Variants in NRXN3 observed in about 807,000 individuals in gnomAD.
NRXN3 encodes neurexin 3.
Under a neutral mutation model 137.6 loss-of-function variants are expected in NRXN3, and 32 were observed. The observed-to-expected ratio is 0.23, with a 90% CI of 0.18 to 0.31. The LOEUF is 0.31. Ranked by LOEUF, NRXN3 falls within the 10% of genes least tolerant of loss-of-function variation. NRXN3 has a pLI of 1.00. For synonymous variants in NRXN3, 798 were observed against 784.5 expected, an observed-to-expected ratio of 1.02 and a Z score of -0.29; for missense variants, 1,574 against 2,062.5, an observed-to-expected ratio of 0.76 and a Z score of 4.59.
At chr14:78,819,858 A>G (rs556531036) in intron 10 of NRXN3, among the ~76,000 whole-genome samples, 2 of 152,174 alleles carry the variant, frequency 1.3e-5, no homozygotes, top group East Asian at 1.9e-4. Context: ...GGACTTTCCA[A>G]TAGGATAGGC....
chr14:78,429,501 G>A (rs973464611), intron 4 of NRXN3, among the ~76,000 whole-genome samples: 6 of 152,236 alleles, frequency 3.9e-5, no homozygotes, highest in East Asian at 1.9e-4. Flanking sequence ...TGATGAATCC[G>A]CATCATAAAG....
chr14:78,764,605 T>A (rs542661659), intron 8 of NRXN3, among the ~76,000 whole-genome samples: 1 of 152,178 alleles, frequency 6.6e-6, no homozygotes, highest in Non-Finnish European at 1.5e-5. Context: ...GCTTAAAACA[T>A]GTTACAAAAA....
chr14:78,499,300 T>G (rs371826266), intron 4 of NRXN3, among the ~76,000 whole-genome samples: 3 of 152,126 alleles, frequency 2.0e-5, no homozygotes, highest in African/African-American at 7.2e-5. Context: ...CATGGGTCAT[T>G]AAAGTCCGTC....
intron 15 of NRXN3, among the ~76,000 whole-genome samples, chr14:79,228,567 G>A (rs1416774863): frequency 6.6e-6 from 1 of 152,110 alleles, no homozygotes; most frequent in East Asian, 1.9e-4. Context: ...ATTAGAGGAG[G>A]CAATTGGTAG....
intron 8 of NRXN3, among the ~76,000 whole-genome samples, chr14:78,757,010 A>G (rs11848012): frequency 0.051 from 7,706 of 152,238 alleles, 629 homozygotes; most frequent in African/African-American, 0.17. Context: ...TAGCTTTGCA[A>G]TCTCAGCAGA....
intron 15 of NRXN3, among the ~76,000 whole-genome samples, chr14:79,387,653 T>C (rs1200677481): frequency 2.5e-5 from 2 of 81,282 alleles, no homozygotes; most frequent in Non-Finnish European, 3.1e-5. Context: ...CACATGCACA[T>C]GTATATTTTA....
rs561991104 is a variant in NRXN3, at chr14:78,291,887, CT to C, written c.728-5936del. The stretch of plus-strand genomic sequence containing the variant: ...GAAATAAAAGTCTTGGCAGAGATAA[CT>C]TTTTTTTCGTCTTTTCTGAATCTTT... On this transcript the variant is annotated intron_variant, in intron 3 of 20. Transcript: ENST00000335750. Among the ~76,000 whole-genome samples, 796 of 152,140 alleles carry C rather than the reference CT, an allele frequency of 5.2e-3. 7 individuals are homozygous for C. The highest frequency in any genetic ancestry group is 0.017 in the African/African-American group (698 of 41,518).
intron 19 of NRXN3, among the ~76,000 whole-genome samples, chr14:79,752,446 T>G (rs1460545892): frequency 6.6e-6 from 1 of 152,124 alleles, no homozygotes; most frequent in Admixed American, 6.6e-5. Flanking sequence ...TTGACAAACC[T>G]GAGAAAGACA....
intron 16 of NRXN3, among the ~76,000 whole-genome samples, chr14:79,550,853 C>G (rs879609637): frequency 2.0e-5 from 3 of 152,104 alleles, no homozygotes; most frequent in Non-Finnish European, 2.9e-5. Flanking sequence ...TAGGGCTGTT[C>G]TGGGGATTAA....
chr14:79,471,852 G>A (rs1337929361), intron 16 of NRXN3, among the ~76,000 whole-genome samples: 2 of 152,158 alleles, frequency 1.3e-5, no homozygotes, highest in Non-Finnish European at 2.9e-5. Context: ...TGTATTTTAA[G>A]TTCAGGGGTA....
chr14:78,744,490 A>C (rs973679022), intron 8 of NRXN3: 5 of 152,202 alleles, frequency 3.3e-5, no homozygotes, highest in African/African-American at 1.2e-4. Context: ...AGAGAATTTC[A>C]GTTGCCCACG....
chr14:78,722,098 A>G (rs2098462931), intron 8 of NRXN3, among the ~76,000 whole-genome samples: 1 of 152,168 alleles, frequency 6.6e-6, no homozygotes, highest in South Asian at 2.1e-4. Flanking sequence ...CTGTTACTCT[A>G]AAAAAGAGTA....
intron 4 of NRXN3, among the ~76,000 whole-genome samples, chr14:78,497,218 G>A (rs919492589): frequency 3.3e-5 from 5 of 152,152 alleles, no homozygotes; most frequent in South Asian, 2.1e-4. Context: ...CAGTAGAAAC[G>A]GTAATACATT....
At chr14:79,627,267 T>G (rs1343548535) in intron 16 of NRXN3, among the ~76,000 whole-genome samples, 1 of 152,196 alleles carries the variant, frequency 6.6e-6, no homozygotes. Flanking sequence ...TCAGCAATAT[T>G]ATCAATAATG....
At chr14:79,086,867 A>G (rs975131072) in intron 15 of NRXN3, among the ~76,000 whole-genome samples, 1 of 152,206 alleles carries the variant, frequency 6.6e-6, no homozygotes, top group Admixed American at 6.5e-5. Flanking sequence ...TTACAGTTCT[A>G]TGAAAGTAAA....
chr14:79,553,952 G>A (rs2097401433), intron 16 of NRXN3, among the ~76,000 whole-genome samples: 1 of 152,166 alleles, frequency 6.6e-6, no homozygotes, highest in African/African-American at 2.4e-5. Flanking sequence ...GAATTCTGCT[G>A]CAGGGTTAAT....
At chr14:78,624,592 C>T (rs1027689987) in intron 4 of NRXN3, among the ~76,000 whole-genome samples, 1 of 152,198 alleles carries the variant, frequency 6.6e-6, no homozygotes, top group African/African-American at 2.4e-5. Flanking sequence ...CTCACACAGC[C>T]TTTCCAGAAG....
At position 78,967,305 on chromosome 14, in the gene NRXN3, A is replaced by C. The variant is rs1205517743; in HGVS notation, c.2875A>C (p.Ile959Leu). The C allele has an allele frequency of 6.2e-7, 1 of 1,614,026 alleles. No individual in the cohort carries two copies. The highest frequency in any genetic ancestry group is 8.5e-7 in the Non-Finnish European group (1 of 1,179,992). ...LNDNQWHNVV[I>L]TRDNSNTHSL... ...TGACAACCAGTGGCACAATGTCGTC[A>C]TCACTCGGGACAATAGTAACACTCA... Residue 959 changes from isoleucine (I) to leucine (L), a missense_variant, in exon 13 of 21, where the codon ATC becomes CTC. Around this residue, in one of 5 missense-constraint regions of NRXN3, gnomAD observed 718 missense variants for 887.6 expected, o/e 0.81. Coordinates refer to ENST00000335750, the MANE Select transcript of NRXN3 (RefSeq NM_001330195.2).
chr14:78,856,282 G>A (rs1372445077), intron 10 of NRXN3, among the ~76,000 whole-genome samples: 1 of 152,136 alleles, frequency 6.6e-6, no homozygotes, highest in African/African-American at 2.4e-5. Flanking sequence ...AAGCATAGAT[G>A]TTCTTTATGA....
Sources: allele counts gnomAD v4.1 joint callset (sites outside exome capture counted in the v4.1 genomes callset), GRCh38; gene constraint gnomAD v4.1.1; regional missense constraint gnomAD v4.1.1; transcripts MANE v1.5; gene names NCBI Gene and HGNC (gene_info 2026-07-23, HGNC 2026-07-21).